The following GABRG3 variants were observed in gnomAD, a reference collection of about 807,000 sequenced individuals.
The protein encoded by GABRG3 is gamma-aminobutyric acid type A receptor subunit gamma3.
GABRG3 carries 25 observed loss-of-function variants against 48.8 expected under a neutral mutation model. The ratio of observed to expected loss-of-function variants is 0.51; its 90% CI spans 0.37 to 0.72. The LOEUF (loss-of-function observed/expected upper bound fraction) is 0.72, where lower values mean the gene tolerates loss of function less well. GABRG3 is among the 30% of genes least tolerant of loss of function. The pLI is 0.00. For synonymous variants in GABRG3, 227 were observed against 217.6 expected (o/e 1.04, Z -0.38); for missense variants, 394 against 577.9 (o/e 0.68, Z 3.26).
chr15:27,113,472 G>A (rs1897589495), intron 3 of GABRG3, among the ~76,000 whole-genome samples: 1 of 152,144 alleles, frequency 6.6e-6, no homozygotes, highest in African/African-American at 2.4e-5. Context: ...AGAAACTGCA[G>A]TGGTGTAGTG....
At chr15:27,320,980 C>A (rs1893406281) in intron 3 of GABRG3, among the ~76,000 whole-genome samples, 1 of 152,208 alleles carries the variant, frequency 6.6e-6, no homozygotes, top group Non-Finnish European at 1.5e-5. Context: ...GCGTCACCCC[C>A]TGCTATGCTT....
intron 5 of GABRG3, among the ~76,000 whole-genome samples, chr15:27,478,188 TA>T (rs1233530077): frequency 4.6e-5 from 7 of 151,882 alleles, no homozygotes; most frequent in Admixed American, 3.9e-4. Flanking sequence ...ATTACCACAA[TA>T]AAAAAATTCC....
chr15:27,269,610 A>G (rs1479085157), intron 3 of GABRG3, among the ~76,000 whole-genome samples: 1 of 152,210 alleles, frequency 6.6e-6, no homozygotes, highest in Non-Finnish European at 1.5e-5. Context: ...CTATGTGACT[A>G]CAAGACTCTA....
chr15:27,468,629 C>T (rs1173038526), intron 5 of GABRG3, among the ~76,000 whole-genome samples: 1 of 152,148 alleles, frequency 6.6e-6, no homozygotes, highest in South Asian at 2.1e-4. Flanking sequence ...TCTCTTGTGA[C>T]CACACTGTAT....
chr15:27,027,932 C>T (rs1896012670), intron 3 of GABRG3, among the ~76,000 whole-genome samples: 1 of 152,214 alleles, frequency 6.6e-6, no homozygotes, highest in South Asian at 2.1e-4. Flanking sequence ...TTATTCAACA[C>T]CTTTACGTCT....
At chr15:27,010,800 C>G (rs1458968341) in intron 2 of GABRG3, among the ~76,000 whole-genome samples, 1 of 152,172 alleles carries the variant, frequency 6.6e-6, no homozygotes, top group Non-Finnish European at 1.5e-5. Flanking sequence ...TGGTCCTTGA[C>G]ATAACTCAGA....
In GABRG3 at chr15:27,537,489, A is replaced by G. The variant is rs1166499147; in HGVS notation, c.*4608A>G. ...TGTAATCACATGAAAGAACCAACAA[A>G]TAACTCTTCAGGATAAATGACACCT... On this transcript the variant is annotated 3_prime_UTR_variant, in exon 10 of 10. Transcript: ENST00000615808. 6.6e-6 allele frequency: 1 copy of G among 152,226 alleles called. No individual in the cohort carries two copies. Among genetic ancestry groups the G allele is most frequent in the East Asian group, 1.9e-4 (1 of 5,200 alleles). 9.4% of individuals were successfully genotyped at this position (152,226 alleles called of 1,614,324 possible).
intron 3 of GABRG3, among the ~76,000 whole-genome samples, chr15:27,177,537 C>G (rs953450868): frequency 6.6e-6 from 1 of 152,216 alleles, no homozygotes; most frequent in African/African-American, 2.4e-5. Flanking sequence ...GGACTGTTAT[C>G]ATTCTTGCTT....
chr15:27,513,339 A>G (rs536787633), intron 6 of GABRG3, among the ~76,000 whole-genome samples: 1 of 151,990 alleles, frequency 6.6e-6, no homozygotes, highest in East Asian at 1.9e-4. Flanking sequence ...AGTCCCAGCT[A>G]CTCGGGAGGC....
At chr15:27,309,841 A>G (rs552733894) in intron 3 of GABRG3, among the ~76,000 whole-genome samples, 1 of 152,208 alleles carries the variant, frequency 6.6e-6, no homozygotes, top group Admixed American at 6.6e-5. Flanking sequence ...TGAAAAATTT[A>G]TTTCCACATA....
chr15:27,446,075 T>C (rs1440953927), intron 5 of GABRG3, among the ~76,000 whole-genome samples: 1 of 152,202 alleles, frequency 6.6e-6, no homozygotes, highest in African/African-American at 2.4e-5. Flanking sequence ...AATAAGAGAA[T>C]TGTGAATTCT....
chr15:27,060,980 C>T lies in GABRG3; in HGVS notation c.270+34159C>T, dbSNP rs1481303907. Among the ~76,000 whole-genome samples, 10 of 152,076 alleles carry T rather than the reference C, an allele frequency of 6.6e-5. No individual in the cohort carries two copies. In the East Asian group the frequency reaches 1.5e-3, roughly 23 times the overall value. ...ATACTCTCTAGTTTACTTAATAGGG[C>T]GATGGCCATACCTCCCTACAATTTT... On this transcript the variant is annotated intron_variant, in intron 3 of 9. Coordinates refer to ENST00000615808, the MANE Select transcript of GABRG3 (RefSeq NM_033223.5).
chr15:27,136,058 C>T (rs187321084), intron 3 of GABRG3, among the ~76,000 whole-genome samples: 18 of 152,310 alleles, frequency 1.2e-4, no homozygotes, highest in Admixed American at 3.3e-4. Context: ...GACAGCACCA[C>T]GAGGGGTGGC....
At chr15:27,105,865 G>A (rs1448058855) in intron 3 of GABRG3, among the ~76,000 whole-genome samples, 1 of 152,064 alleles carries the variant, frequency 6.6e-6, no homozygotes, top group African/African-American at 2.4e-5. Context: ...CCAAGATATG[G>A]AAACAACCTA....
chr15:27,312,863 A>G (rs1026694222), intron 3 of GABRG3, among the ~76,000 whole-genome samples: 1 of 152,006 alleles, frequency 6.6e-6, no homozygotes, highest in Non-Finnish European at 1.5e-5. Context: ...AAATATATAG[A>G]CAAATATAGA....
intron 6 of GABRG3, among the ~76,000 whole-genome samples, chr15:27,494,307 A>G (rs1395302318): frequency 2.0e-5 from 3 of 152,092 alleles, no homozygotes; most frequent in African/African-American, 7.2e-5. Flanking sequence ...ATTTGTTTAT[A>G]TCTTGTTGAG....
At chr15:27,432,087 A>G (rs1194023381) in intron 5 of GABRG3, among the ~76,000 whole-genome samples, 1 of 152,118 alleles carries the variant, frequency 6.6e-6, no homozygotes, top group East Asian at 1.9e-4. Flanking sequence ...AGGATATTCC[A>G]TGTGTGCTTG....
chr15:27,210,465 C>G lies in GABRG3; in HGVS notation c.271-116344C>G, dbSNP rs991454347. Among the ~76,000 whole-genome samples the G allele has an allele frequency of 2.0e-5, 3 of 152,344 alleles. No homozygotes were observed. In the South Asian group the frequency reaches 6.2e-4, roughly 32 times the overall value. On this transcript the variant is annotated intron_variant, in intron 3 of 9. Coordinates refer to ENST00000615808, the MANE Select transcript of GABRG3 (RefSeq NM_033223.5). The stretch of plus-strand genomic sequence containing the variant: ...CCGTGTGTGCATTCTCTTTCCATCA[C>G]ACACGCGCACCTGCGTGCACACACA...
intron 3 of GABRG3, among the ~76,000 whole-genome samples, chr15:27,063,287 A>G (rs1896682439): frequency 6.6e-6 from 1 of 152,192 alleles, no homozygotes; most frequent in South Asian, 2.1e-4. Context: ...CCAGATCTGC[A>G]GGTGTCTTTG....
Sources: allele counts gnomAD v4.1 joint callset (sites outside exome capture counted in the v4.1 genomes callset), GRCh38; gene constraint gnomAD v4.1.1; transcripts MANE v1.5; gene names NCBI Gene and HGNC (gene_info 2026-07-23, HGNC 2026-07-21).